FRZB: variants seen among roughly 807,000 people sequenced by gnomAD.
FRZB encodes frizzled related protein.
FRZB carries 34 observed loss-of-function variants against 32.5 expected under a neutral mutation model. That is an observed-to-expected ratio of 1.05 (90% CI 0.80 to 1.39). FRZB has a LOEUF of 1.39. Among genes scored for constraint, FRZB ranks in the 40% most tolerant of loss-of-function variants. The pLI is 0.00. For synonymous variants in FRZB, 170 were observed against 159.2 expected (o/e 1.07, Z -0.51); for missense variants, 423 against 424.8 (o/e 1.00, Z 0.04).
At chr2:182,862,665 ATTTGT>A (rs1258859270) in intron 1 of FRZB, among the ~76,000 whole-genome samples, 1 of 152,218 alleles carries the variant, frequency 6.6e-6, no homozygotes, top group Non-Finnish European at 1.5e-5. Flanking sequence ...ATGTTAGTCA[ATTTGT>A]TTTAACAGTG....
chr2:182,859,528 C>T (rs1477348984), intron 1 of FRZB, among the ~76,000 whole-genome samples: 2 of 152,088 alleles, frequency 1.3e-5, no homozygotes, highest in South Asian at 4.1e-4. Context: ...AGATGCTGTA[C>T]CTAGCAATAT....
chr2:182,847,410 G>T (rs1177398267), intron 2 of FRZB, among the ~76,000 whole-genome samples: 2 of 152,162 alleles, frequency 1.3e-5, no homozygotes, highest in African/African-American at 2.4e-5. Flanking sequence ...AATTGAAAAA[G>T]CGTCTTCCAA....
At chr2:182,855,026 T>C (rs1300260269) in intron 2 of FRZB, among the ~76,000 whole-genome samples, 1 of 152,138 alleles carries the variant, frequency 6.6e-6, no homozygotes, top group Non-Finnish European at 1.5e-5. Context: ...AAAGTATTGC[T>C]CTGACCTCAT....
At chr2:182,844,356 TA>T (rs1298993252) in intron 2 of FRZB, among the ~76,000 whole-genome samples, 3 of 152,204 alleles carry the variant, frequency 2.0e-5, no homozygotes, top group African/African-American at 7.2e-5. Context: ...AACAAAAAGT[TA>T]CCTAGCTTTT....
intron 2 of FRZB, among the ~76,000 whole-genome samples, chr2:182,857,461 A>G (rs1247390089): frequency 6.6e-6 from 1 of 151,956 alleles, no homozygotes; most frequent in African/African-American, 2.4e-5. Context: ...CTCTACTAAT[A>G]ATACAAAAAT....
rs1393081732 is a variant in FRZB, at chr2:182,834,525, T to C, written c.*324A>G. On this transcript the variant is annotated 3_prime_UTR_variant, in exon 6 of 6. Transcript: ENST00000295113. ...TCCCAATTGGGGTGCAGAAAGTAAA[T>C]TAACATCTGGAGACTCCAGCAAAGA... The C allele has an allele frequency of 7.5e-6, 2 of 266,362 alleles. No homozygotes were observed. Among genetic ancestry groups the C allele is most frequent in the East Asian group, 1.4e-4 (2 of 13,904 alleles). 16.5% of individuals were successfully genotyped at this position (266,362 alleles called of 1,614,324 possible).
In FRZB at chr2:182,866,450, A is replaced by G. The variant is rs1574991346; in HGVS notation, c.103T>C (p.Cys35Arg). ...LRVPGARAAA[C>R]EPVRIPLCKS... is the part of the protein sequence containing the mutation. ...CACAGGGGGATGCGGACGGGCTCAC[A>G]GGCTGCAGCCCGAGCCCCGGGCACC... The change falls in exon 1 of 6, where the codon TGT becomes CGT. Residue 35 changes from cysteine (C) to arginine (R), a missense_variant. Transcript: ENST00000295113. The surrounding 1 kb of genome is among the most constrained non-coding windows in gnomAD (Gnocchi z 4.5). 1 of 1,571,830 alleles carries G rather than the reference A, an allele frequency of 6.4e-7. No individual in the cohort carries two copies.
At chr2:182,863,763 G>T (rs1236867545) in intron 1 of FRZB, among the ~76,000 whole-genome samples, 3 of 152,140 alleles carry the variant, frequency 2.0e-5, no homozygotes, top group Non-Finnish European at 4.4e-5. Context: ...AAATTACACT[G>T]GCCACATGTG....
At chr2:182,847,564 C>T (rs1695659628) in intron 2 of FRZB, among the ~76,000 whole-genome samples, 1 of 152,160 alleles carries the variant, frequency 6.6e-6, no homozygotes, top group Non-Finnish European at 1.5e-5. Context: ...AGCTAGAAGA[C>T]TTTATCCACT....
chr2:182,835,062 T>A, intron 5 of FRZB, 97 bp from the exon 6 acceptor site: 4 of 859,450 alleles, frequency 4.7e-6, no homozygotes, highest in Non-Finnish European at 7.6e-6. Flanking sequence ...AGTTCAGATC[T>A]CTGAAGCATT....
chr2:182,859,657 T>C (rs771007621), intron 1 of FRZB, among the ~76,000 whole-genome samples: 1 of 152,218 alleles, frequency 6.6e-6, no homozygotes, highest in Non-Finnish European at 1.5e-5. Flanking sequence ...ATTCTTCCTT[T>C]GTCCTTTTTG....
chr2:182,854,282 T>C (rs1400854587), intron 2 of FRZB, among the ~76,000 whole-genome samples: 2 of 152,188 alleles, frequency 1.3e-5, no homozygotes, highest in Non-Finnish European at 1.5e-5. Flanking sequence ...AATGGTTTAT[T>C]TTATGGTAAG....
At chr2:182,862,763 C>T (rs1238709316) in intron 1 of FRZB, among the ~76,000 whole-genome samples, 1 of 109,098 alleles carries the variant, frequency 9.2e-6, no homozygotes, top group African/African-American at 3.6e-5. Flanking sequence ...AATTTCTTTT[C>T]TTTTCTTTTC....
chr2:182,857,500 A>G (rs1305865771), intron 2 of FRZB, among the ~76,000 whole-genome samples: 1 of 151,732 alleles, frequency 6.6e-6, no homozygotes, highest in Non-Finnish European at 1.5e-5. Flanking sequence ...CACACCTGTA[A>G]TCCTAGCTAG....
chr2:182,860,636 G>A (rs1044773399), intron 1 of FRZB, among the ~76,000 whole-genome samples: 2 of 152,098 alleles, frequency 1.3e-5, no homozygotes, highest in Non-Finnish European at 2.9e-5. Flanking sequence ...CGAGGCCAAG[G>A]CAGGCAGATC....
chr2:182,853,219 C>G (rs1288640054), intron 2 of FRZB, among the ~76,000 whole-genome samples: 1 of 152,166 alleles, frequency 6.6e-6, no homozygotes, highest in Non-Finnish European at 1.5e-5. Flanking sequence ...GAACAGTAAA[C>G]ACTGACTCTG....
chr2:182,855,882 A>T (rs1695762575), intron 2 of FRZB, among the ~76,000 whole-genome samples: 1 of 152,142 alleles, frequency 6.6e-6, no homozygotes, highest in Non-Finnish European at 1.5e-5. Context: ...AGGAAAAAAA[A>T]ATCAAATGCA....
rs541979223 is a variant in FRZB at position 182,850,400 on chromosome 2, T to A, written c.527-7857A>T. Among the ~76,000 whole-genome samples, 191 of 152,324 alleles carry A rather than the reference T, an allele frequency of 1.3e-3. 1 individual carries two copies. The highest frequency in any genetic ancestry group is 4.4e-3 in the African/African-American group (183 of 41,578). On this transcript the variant is annotated intron_variant, in intron 2 of 5. Transcript: ENST00000295113. The stretch of plus-strand genomic sequence containing the variant: ...CCACGCTACCATTCCCAGCCTCTGA[T>A]AACCACAAATCTACTCTCCAGCTCC...
chr2:182,858,607 A>G (rs1695796686), intron 2 of FRZB, among the ~76,000 whole-genome samples, 179 bp downstream of exon 2: 1 of 152,134 alleles, frequency 6.6e-6, no homozygotes, highest in Admixed American at 6.6e-5. Flanking sequence ...GTCCAAATAA[A>G]AGTCCAATTT....
Sources: allele counts gnomAD v4.1 joint callset (sites outside exome capture counted in the v4.1 genomes callset), GRCh38; gene constraint gnomAD v4.1.1; non-coding constraint Gnocchi (gnomAD v3.1); transcripts MANE v1.5; gene names NCBI Gene and HGNC (gene_info 2026-07-23, HGNC 2026-07-21).